The following CDC40 variants were observed in gnomAD, a reference collection of about 807,000 sequenced individuals.
CDC40 encodes the protein pre-mRNA-processing factor 17.
In CDC40, 27 loss-of-function variants were observed where a neutral mutation model predicts 80.6. The observed-to-expected ratio is 0.33, with a 90% confidence interval of 0.25 to 0.46. The LOEUF (loss-of-function observed/expected upper bound fraction) is 0.46, where lower values mean the gene tolerates loss of function less well. Ranked by LOEUF, CDC40 falls within the 20% of genes least tolerant of loss-of-function variation. The pLI, the probability that CDC40 is intolerant of heterozygous loss-of-function variation, is 1.00. For synonymous variants in CDC40, 221 were observed against 232.6 expected (o/e 0.95, Z 0.45); for missense variants, 486 against 694.1 (o/e 0.70, Z 3.37).
Position 110,212,193 on chromosome 6 carries a change from T to C in CDC40, c.788T>C (p.Val263Ala), listed in dbSNP as rs752985644. The C allele has an allele frequency of 6.2e-7, 1 of 1,613,704 alleles. No homozygotes were observed. Among genetic ancestry groups the C allele is most frequent in the South Asian group, 1.1e-5 (1 of 91,064 alleles). ...CTTCACATACCTCAGGATGTTGGTG[T>C]TAATCTACGGTCAACTATGCCACCT... ...SYLHIPQDVG[V>A]NLRSTMPPEK... Residue 263 changes from valine to alanine, a missense_variant, in exon 7 of 15, where the codon GTT becomes GCT. Coordinates refer to ENST00000307731, the MANE Select transcript of CDC40 (RefSeq NM_015891.3).
At chr6:110,227,477 A>G (rs1014757207) in intron 13 of CDC40, among the ~76,000 whole-genome samples, 4 of 152,202 alleles carry the variant, frequency 2.6e-5, no homozygotes, top group Non-Finnish European at 5.9e-5. Flanking sequence ...CTGTGCATCT[A>G]TATTTCATGT....
chr6:110,228,023 C>A (rs1777888251), intron 13 of CDC40, among the ~76,000 whole-genome samples: 1 of 152,176 alleles, frequency 6.6e-6, no homozygotes, highest in Non-Finnish European at 1.5e-5. Context: ...AGAGTACTTA[C>A]ACAAACCTAG....
chr6:110,224,268 T>C (rs932364455), intron 12 of CDC40: 1 of 152,242 alleles, frequency 6.6e-6, no homozygotes, highest in African/African-American at 2.4e-5. Context: ...ATTCAGACTT[T>C]TATTAGGTTT....
intron 4 of CDC40, among the ~76,000 whole-genome samples, 157 bp downstream of exon 4, chr6:110,207,746 G>A (rs1189275914): frequency 6.6e-6 from 1 of 152,078 alleles, no homozygotes. Flanking sequence ...ATATAGTTCA[G>A]AAATGTTACA....
Position 110,219,449 on chromosome 6 carries a change from G to A in CDC40, c.1176G>A (p.Val392=). ...ATGAAGATAAGCAAAATCTCTTTGT[G>A]GCTGGGATGTCTGATAAGAAGATTG... The part of the protein sequence containing the change: ...NPDEDKQNLF[V]AGMSDKKIVQ... The change falls in exon 11 of 15, where the codon GTG becomes GTA. Residue 392 remains valine (V), a synonymous_variant. Coordinates refer to ENST00000307731, the MANE Select transcript of CDC40 (RefSeq NM_015891.3). 1 of 1,603,552 alleles carries A rather than the reference G, an allele frequency of 6.2e-7. No individual in the cohort carries two copies. Among genetic ancestry groups the A allele is most frequent in the Non-Finnish European group, 8.5e-7 (1 of 1,171,086 alleles).
chr6:110,227,003 T>G (rs1712568393), intron 13 of CDC40, among the ~76,000 whole-genome samples: 1 of 151,816 alleles, frequency 6.6e-6, no homozygotes, highest in South Asian at 2.1e-4. Flanking sequence ...GCAAGACCCT[T>G]CTCTCTAAAA....
intron 7 of CDC40, among the ~76,000 whole-genome samples, chr6:110,212,771 T>C (rs920611987): frequency 3.6e-4 from 55 of 152,252 alleles, no homozygotes; most frequent in African/African-American, 1.3e-3. Context: ...TTCCAACTTA[T>C]AATTTCCAAC....
chr6:110,210,582 C>A, intron 5 of CDC40, 125 bp from the exon 6 acceptor site: 3 of 293,416 alleles, frequency 1.0e-5, no homozygotes, highest in Non-Finnish European at 1.9e-5. Context: ...AAGTGTTGAG[C>A]TTGTTATCCT....
Position 110,228,822 on chromosome 6 carries a change from G to T in CDC40, c.1418-10G>T. The T allele has an allele frequency of 6.4e-7, 1 of 1,561,836 alleles. No homozygotes were observed. Among genetic ancestry groups the T allele is most frequent in the Non-Finnish European group, 8.6e-7 (1 of 1,163,228 alleles). On this transcript the variant is annotated splice_polypyrimidine_tract_variant and intron_variant, in intron 13 of 14. Transcript: ENST00000307731. ...CTTCCTCTAAAATACCTCATTTATT[G>T]AATTTACAGGAAAATGGCTAGCATG...
At chr6:110,201,498 A>G in intron 2 of CDC40, 60 bp from the exon 3 acceptor site, 3 of 1,310,938 alleles carry the variant, frequency 2.3e-6, no homozygotes, top group Non-Finnish European at 3.1e-6. Context: ...TAACTTCCAT[A>G]TACTCAGAAC....
At chr6:110,218,603 T>C (rs1167599497) in intron 10 of CDC40, among the ~76,000 whole-genome samples, 1 of 152,222 alleles carries the variant, frequency 6.6e-6, no homozygotes, top group African/African-American at 2.4e-5. Context: ...TTAGCAGTGG[T>C]TCTCAATTCT....
intron 1 of CDC40, among the ~76,000 whole-genome samples, chr6:110,190,653 A>G (rs1265431993): frequency 6.6e-6 from 1 of 152,300 alleles, no homozygotes; most frequent in East Asian, 1.9e-4. Flanking sequence ...TGGTGGTCAC[A>G]TAGTTGAGAA....
intron 12 of CDC40, among the ~76,000 whole-genome samples, chr6:110,221,827 G>T (rs1777780173): frequency 6.7e-6 from 1 of 149,758 alleles, no homozygotes; most frequent in Non-Finnish European, 1.5e-5. Flanking sequence ...GGTCAGGAAA[G>T]AATTTTTATT....
intron 1 of CDC40, among the ~76,000 whole-genome samples, chr6:110,185,305 G>C (rs7740924): frequency 8.2e-5 from 12 of 145,768 alleles, no homozygotes; most frequent in African/African-American, 2.1e-4. Context: ...TGCAGTGGCG[G>C]GATCTCGGCT....
At chr6:110,204,202 C>T (rs1440774874) in intron 3 of CDC40, among the ~76,000 whole-genome samples, 19 of 151,970 alleles carry the variant, frequency 1.3e-4, no homozygotes, top group Admixed American at 1.1e-3. Flanking sequence ...TTAGTAGAGA[C>T]GGGGTTTCAC....
chr6:110,198,958 T>G (rs1456321544), intron 2 of CDC40: 1 of 152,190 alleles, frequency 6.6e-6, no homozygotes, highest in African/African-American at 2.4e-5. Context: ...CTGAGAAACC[T>G]ATCTTGAGTA....
rs185152629 is a variant in CDC40, at chr6:110,202,230, T to C, written c.406+543T>C. On this transcript the variant is annotated intron_variant, in intron 3 of 14. Coordinates refer to ENST00000307731, the MANE Select transcript of CDC40 (RefSeq NM_015891.3). ...TGGAAACTGCTTGTATAGAGGATTA[T>C]CATGTATTAGATCATACTTCACCAT... 1.3e-3 allele frequency among the ~76,000 whole-genome samples: 204 copies of C among 152,286 alleles called. 1 individual carries two copies. The highest frequency in any genetic ancestry group is 6.8e-3 in the Middle Eastern group (2 of 294).
intron 12 of CDC40, 79 bp from the exon 13 acceptor site, chr6:110,226,088 T>G (rs1777855806): frequency 1.3e-6 from 1 of 750,490 alleles, no homozygotes; most frequent in Admixed American, 2.2e-5. Flanking sequence ...TATTTGCATA[T>G]TATTCCTTTG....
intron 12 of CDC40, among the ~76,000 whole-genome samples, chr6:110,220,999 G>A (rs896532166): frequency 3.3e-5 from 5 of 151,998 alleles, no homozygotes; most frequent in African/African-American, 9.7e-5. Context: ...CATGACTCTG[G>A]TACAAATGTT....
Sources: gnomAD v4.1 joint callset for allele counts (sites outside exome capture counted in the v4.1 genomes callset) on GRCh38, gnomAD v4.1.1 for gene constraint, MANE v1.5 for transcripts, NCBI Gene and HGNC (gene_info 2026-07-23, HGNC 2026-07-21) for gene names.